The following ARL17B variants were observed in gnomAD, a reference collection of about 807,000 sequenced individuals.
ARL17B encodes the protein ADP-ribosylation factor-like protein 17.
intron 3 of ARL17B, among the ~76,000 whole-genome samples, chr17:46,312,785 C>CA (rs1446267009): frequency 2.6e-4 from 13 of 50,132 alleles, no homozygotes; most frequent in African/African-American, 1.0e-3. Context: ...ATGTAGCACT[C>CA]ACATTCTTTC....
intron 4 of ARL17B, among the ~76,000 whole-genome samples, chr17:46,287,026 A>T (rs1365682171): frequency 6.6e-6 from 1 of 152,260 alleles, no homozygotes; most frequent in Non-Finnish European, 1.5e-5. Flanking sequence ...ATGGTACTTA[A>T]ATCTGTCTTC....
intron 4 of ARL17B, among the ~76,000 whole-genome samples, chr17:46,276,790 C>CTTTTCT (rs2049598576): frequency 2.7e-4 from 36 of 134,246 alleles, no homozygotes; most frequent in Non-Finnish European, 3.2e-4. Context: ...TTCTTTTTTT[C>CTTTTCT]TTTTTTTTTT....
intron 4 of ARL17B, among the ~76,000 whole-genome samples, chr17:46,283,763 G>A (rs2668663): frequency 0.12 from 18,461 of 152,104 alleles, no homozygotes; most frequent in Non-Finnish European, 0.18. Flanking sequence ...GGATGCTGCC[G>A]GCCTCTGAGT....
At chr17:46,351,005 CT>C (rs763137840) in intron 3 of ARL17B, among the ~76,000 whole-genome samples, 1 of 18,222 alleles carries the variant, frequency 5.5e-5, no homozygotes, top group African/African-American at 7.7e-5. Context: ...TTTTTTTTCT[CT>C]TTTTTTTTTT....
At chr17:46,332,998 C>G (rs1406606670), downstream of ARL17B, among the ~76,000 whole-genome samples, 2 of 147,776 alleles carry the variant, frequency 1.4e-5, 1 homozygote, top group African/African-American at 5.0e-5. Context: ...AATTTATTTC[C>G]TTGTTGCTGA....
At chr17:46,333,981 TG>T (rs1225181139), downstream of ARL17B, among the ~76,000 whole-genome samples, 1 of 16,250 alleles carries the variant, frequency 6.2e-5, no homozygotes, top group Admixed American at 4.9e-4. Flanking sequence ...ACGTTAAATT[TG>T]TAGATTAATT....
intron 4 of ARL17B, among the ~76,000 whole-genome samples, chr17:46,280,489 A>G (rs1406777340): frequency 6.6e-6 from 1 of 152,216 alleles, no homozygotes; most frequent in Non-Finnish European, 1.5e-5. Flanking sequence ...AGCTTGGGTC[A>G]TATAGCAAGA....
At chr17:46,322,779 C>A (rs2051464540) in intron 3 of ARL17B, among the ~76,000 whole-genome samples, 1 of 67,082 alleles carries the variant, frequency 1.5e-5, no homozygotes, top group African/African-American at 4.0e-5. Flanking sequence ...TCTTGAGTAT[C>A]ATTAATTTGA....
downstream of ARL17B, among the ~76,000 whole-genome samples, chr17:46,298,709 GC>G (rs2050242630): frequency 9.8e-6 from 1 of 102,302 alleles, no homozygotes; most frequent in Non-Finnish European, 2.1e-5. Context: ...GGGCGACAGA[GC>G]AAGACTCCAT....
intron 4 of ARL17B, among the ~76,000 whole-genome samples, chr17:46,290,501 C>T (rs1456703461): frequency 6.6e-6 from 1 of 152,234 alleles, no homozygotes; most frequent in Non-Finnish European, 1.5e-5. Context: ...CTCTGTCGTG[C>T]AGTGGCATGA....
At chr17:46,317,125 G>T in intron 3 of ARL17B, among the ~76,000 whole-genome samples, 1 of 88,502 alleles carries the variant, frequency 1.1e-5, no homozygotes. Flanking sequence ...TGAGCTGTTG[G>T]GTACACCTCC....
rs2052863620 is a variant in ARL17B, at chr17:46,354,940, C to CTGG, written c.149-2011_149-2010insCCA. Reference sequence around the variant, plus strand: ...CCAGCCTGGATGACAGAATAACATCCAAGAAAGAAAAGAAAGAAAAGAGGA... The same window carrying CTGG: ...CCAGCCTGGATGACAGAATAACATCCTGGAAGAAAGAAAAGAAAGAAAAGAGGA... On this transcript the variant is annotated intron_variant, in intron 2 of 3. Transcript: ENST00000450673. Among the ~76,000 whole-genome samples, 4 of 93,486 alleles carry CTGG rather than the reference C, an allele frequency of 4.3e-5. No individual in the cohort carries two copies. In the South Asian group the frequency reaches 1.5e-3, roughly 35 times the overall value. 61.3% of individuals were successfully genotyped at this position (93,486 alleles called of 152,430 possible). A position where few individuals can be genotyped will look rare whatever the true frequency, so the allele number is the denominator to read the frequency against.
At chr17:46,288,696 C>CTTTTTT (rs2049984588) in intron 4 of ARL17B, among the ~76,000 whole-genome samples, 1 of 148,008 alleles carries the variant, frequency 6.8e-6, no homozygotes, top group Non-Finnish European at 1.5e-5. Context: ...TTTACTGCAT[C>CTTTTTT]TTGTTTTTTC....
intron 4 of ARL17B, among the ~76,000 whole-genome samples, chr17:46,275,814 CA>C (rs1317013096): frequency 1.3e-5 from 2 of 151,510 alleles, no homozygotes; most frequent in Non-Finnish European, 2.9e-5. Context: ...TATGCTAAAA[CA>C]AAAGAAAAAG....
intron 4 of ARL17B, among the ~76,000 whole-genome samples, chr17:46,291,940 A>G (rs1226109270): frequency 1.4e-5 from 2 of 147,878 alleles, no homozygotes; most frequent in African/African-American, 2.5e-5. Context: ...CAGCCTAGGA[A>G]AAAGAATAAG....
rs1466346210 is a variant in ARL17B, at chr17:46,317,146, G to C, written c.260-17481C>G. ...GTTGGGTACACCTCCCAGATGGGGT[G>C]GCGGCCGGGCAGAGGCGCTCCTCAC... On this transcript the variant is annotated intron_variant, in intron 3 of 4. Coordinates refer to the ARL17B transcript ENST00000434041. Among the ~76,000 whole-genome samples the C allele has an allele frequency of 7.4e-3, 594 of 80,650 alleles. 1 individual carries two copies. The highest frequency in any genetic ancestry group is 0.048 in the Middle Eastern group (7 of 146). 52.9% of individuals were successfully genotyped at this position (80,650 alleles called of 152,430 possible).
At chr17:46,322,771 TTGAG>T (rs1290010366) in intron 3 of ARL17B, among the ~76,000 whole-genome samples, 1 of 66,964 alleles carries the variant, frequency 1.5e-5, no homozygotes, top group African/African-American at 4.0e-5. Flanking sequence ...AGTTCTGCTC[TTGAG>T]TATCATTAAT....
intron 4 of ARL17B, among the ~76,000 whole-genome samples, chr17:46,287,189 C>A (rs2143419724): frequency 6.6e-6 from 1 of 152,342 alleles, no homozygotes; most frequent in East Asian, 1.9e-4. Context: ...AACAAGTACA[C>A]TGCTTAGTGA....
intron 4 of ARL17B, among the ~76,000 whole-genome samples, chr17:46,290,849 C>G (rs2732600): frequency 0.12 from 18,731 of 150,226 alleles, 1 homozygote; most frequent in Middle Eastern, 0.19. Context: ...TGATTCCCCA[C>G]GCCAAAATTT....
Sources: gnomAD v4.1 joint callset for allele counts (sites outside exome capture counted in the v4.1 genomes callset) on GRCh38, gnomAD v4.1.1 for gene constraint, MANE v1.5 for transcripts, NCBI Gene and HGNC (gene_info 2026-07-23, HGNC 2026-07-21) for gene names.